WHAMM: variants seen among roughly 807,000 people sequenced by gnomAD.
WHAMM encodes the protein WASP homolog-associated protein with actin, membranes and microtubules.
A neutral mutation model predicts 76.5 loss-of-function variants in WHAMM; 67 were observed. The observed-to-expected ratio is 0.88, with a 90% CI of 0.72 to 1.07. WHAMM has a LOEUF of 1.07. Ranked by LOEUF, WHAMM falls within the 50% of genes least tolerant of loss-of-function variation. The pLI is 0.00. For missense variants in WHAMM, 1,021 were observed against 1,051.1 expected (o/e 0.97, Z 0.40); for synonymous variants, 419 against 422.1 (o/e 0.99, Z 0.09).
chr15:82,810,643 G>C (rs1395504472), intron 1 of WHAMM: 1 of 985,482 alleles, frequency 1.0e-6, no homozygotes, highest in African/African-American at 1.7e-5. Context: ...AACAGGAAAT[G>C]CCAGAAATAT....
chr15:82,831,149 G>A, intron 9 of WHAMM, 70 bp downstream of exon 9: 1 of 1,532,244 alleles, frequency 6.5e-7, no homozygotes, highest in Non-Finnish European at 8.7e-7. Flanking sequence ...AGCTTCAGAA[G>A]CCATCATCTT....
intron 5 of WHAMM, 128 bp from the exon 6 acceptor site, chr15:82,822,972 A>G: frequency 1.4e-6 from 1 of 735,520 alleles, no homozygotes; most frequent in Non-Finnish European, 2.0e-6. Flanking sequence ...CATATTTTTC[A>G]TATATGTTAA....
In WHAMM at chr15:82,833,686, AT is replaced by A. The variant is rs367874690; in HGVS notation, c.*164del. The A allele has an allele frequency of 0.22, 136,660 of 625,360 alleles. 270 individuals are homozygous for A. Among genetic ancestry groups the A allele is most frequent in the Middle Eastern group, 0.27 (572 of 2,100 alleles). The allele number at this position is 625,360 out of a possible 1,614,324, so 38.7% of individuals were successfully genotyped here. ...AGGGCCTTGTGTAGGCTGCTGCAGC[AT>A]TTTTTTTTTTTTTCTTTTTTGAGAT... On this transcript the variant is annotated 3_prime_UTR_variant, in exon 10 of 10. Coordinates refer to ENST00000286760, the MANE Select transcript of WHAMM (RefSeq NM_001080435.3).
intron 1 of WHAMM, among the ~76,000 whole-genome samples, chr15:82,811,072 G>T (rs1443167812): frequency 6.6e-6 from 1 of 152,186 alleles, no homozygotes; most frequent in African/African-American, 2.4e-5. Flanking sequence ...TAACCTGAAT[G>T]ATTTTTTTCT....
intron 3 of WHAMM, 75 bp downstream of exon 3, chr15:82,816,917 T>G (rs2050736704): frequency 7.3e-7 from 1 of 1,376,366 alleles, no homozygotes; most frequent in African/African-American, 1.4e-5. Flanking sequence ...TTTGAGTCCC[T>G]CTTACGCACT....
At chr15:82,827,991 A>G (rs35989256) in intron 8 of WHAMM, among the ~76,000 whole-genome samples, 24,516 of 152,110 alleles carry the variant, frequency 0.16, 2,120 homozygotes, top group South Asian at 0.34. Context: ...ATATCATTGA[A>G]TTTACTGACT....
rs763626038 is a variant in WHAMM, at chr15:82,833,232, C to G, written c.2126C>G (p.Ser709Cys). ...AGCTCTGCTTATTCAATTTCAGGAT[C>G]TATGGATGAAGTGTTGGCCTCCTTA... Reference protein sequence around the residue: ...DSLESFSCPGSMDEVLASLRH... With the variant: ...DSLESFSCPGCMDEVLASLRH... Residue 709 changes from serine to cysteine, a missense_variant, in exon 10 of 10, where the codon TCT becomes TGT. This residue lies in a region of WHAMM where 509 missense variants were observed against 492.3 expected (regional missense o/e 1.03). Transcript: ENST00000286760. 4.3e-6 allele frequency: 7 copies of G among 1,613,118 alleles called. No individual in the cohort carries two copies. Among genetic ancestry groups the G allele is most frequent in the Non-Finnish European group, 5.9e-6 (7 of 1,179,494 alleles).
chr15:82,810,846 CTTTA>C (rs2050616333), intron 1 of WHAMM: 1 of 796,458 alleles, frequency 1.3e-6, no homozygotes, highest in Non-Finnish European at 1.5e-6. Flanking sequence ...AGAAGGTGAA[CTTTA>C]TTCATCAGTT....
chr15:82,830,553 G>A (rs1259156140), intron 8 of WHAMM, 46 bp from the exon 9 acceptor site: 2 of 1,584,680 alleles, frequency 1.3e-6, no homozygotes, highest in African/African-American at 1.4e-5. Context: ...GCATTTTGAT[G>A]GTTTGCACTT....
Position 82,810,246 on chromosome 15 carries a change from G to T in WHAMM, c.520G>T (p.Gly174Cys). The change falls in exon 1 of 10, where the codon GGC becomes TGC. Residue 174 changes from glycine to cysteine, a missense_variant. By Grantham distance (159) the Gly-to-Cys change is radical. Coordinates refer to ENST00000286760, the MANE Select transcript of WHAMM (RefSeq NM_001080435.3). The stretch of plus-strand genomic sequence containing the variant: ...GCGCGACGCACTCTTCCCGGCTGAG[G>T]GCGGCGCGGCCGACTGCGAAAGCCC... The part of the protein sequence containing the change: ...TVRDALFPAE[G>C]GAADCESPRE... 1 of 1,395,668 alleles carries T rather than the reference G, an allele frequency of 7.2e-7. No individual in the cohort carries two copies. The highest frequency in any genetic ancestry group is 1.5e-5 in the South Asian group (1 of 66,694). The allele number at this position is 1,395,668 out of a possible 1,614,324, so 86.5% of individuals were successfully genotyped here. A position where few individuals can be genotyped will look rare whatever the true frequency, so the allele number is the denominator to read the frequency against.
intron 8 of WHAMM, 49 bp from the exon 9 acceptor site, chr15:82,830,550 G>T: frequency 6.3e-7 from 1 of 1,575,404 alleles, no homozygotes; most frequent in Non-Finnish European, 8.6e-7. Context: ...TCAGCATTTT[G>T]ATGGTTTGCA....
At chr15:82,819,804 G>GC (rs1259245132) in intron 5 of WHAMM, among the ~76,000 whole-genome samples, 2 of 152,174 alleles carry the variant, frequency 1.3e-5, no homozygotes, top group Non-Finnish European at 2.9e-5. Flanking sequence ...GACCAGTCTG[G>GC]CCAACATGGT....
intron 8 of WHAMM, among the ~76,000 whole-genome samples, chr15:82,827,445 T>G (rs1327470879): frequency 6.6e-6 from 1 of 152,172 alleles, no homozygotes; most frequent in African/African-American, 2.4e-5. Flanking sequence ...TTATTAGAGA[T>G]AAATTCCTTT....
At position 82,820,050 on chromosome 15, in the gene WHAMM, G is replaced by A. The variant is rs113047832; in HGVS notation, c.1270+562G>A. ...AAGGAAAAAAAAAAAAAGATACTTCGTGGTAACAATTTGCTGTATAACTTT... is the reference window on the plus strand; with the variant it reads ...AAGGAAAAAAAAAAAAAGATACTTCATGGTAACAATTTGCTGTATAACTTT... On this transcript the variant is annotated intron_variant, in intron 5 of 9. Coordinates refer to ENST00000286760, the MANE Select transcript of WHAMM (RefSeq NM_001080435.3). 9.0e-3 allele frequency among the ~76,000 whole-genome samples: 1,369 copies of A among 151,592 alleles called. 24 individuals carry two copies. Among genetic ancestry groups the A allele is most frequent in the African/African-American group, 0.032 (1,314 of 41,386 alleles).
At chr15:82,813,514 C>T (rs1019962111) in intron 2 of WHAMM, among the ~76,000 whole-genome samples, 1 of 151,756 alleles carries the variant, frequency 6.6e-6, no homozygotes, top group African/African-American at 2.4e-5. Flanking sequence ...TTACATGTGC[C>T]TAGTTTACCC....
At position 82,823,219 on chromosome 15, in the gene WHAMM, C is replaced by G; in HGVS notation, c.1390C>G (p.Gln464Glu). 1 of 1,587,796 alleles carries G rather than the reference C, an allele frequency of 6.3e-7. No individual in the cohort carries two copies. The highest frequency in any genetic ancestry group is 8.6e-7 in the Non-Finnish European group (1 of 1,164,354). Residue 464 changes from glutamine (Q) to glutamate (E), a missense_variant, in exon 6 of 10, where the codon CAG becomes GAG. Around this residue, in one of 3 missense-constraint regions of WHAMM, gnomAD observed 509 missense variants for 492.3 expected, o/e 1.03. Transcript: ENST00000286760. ...TTTGGAAGTGAAAGAACTCAGAAGG[C>G]AGTGCCAGCAGCTGGAGTCTAAACG... ...KNLEVKELRR[Q>E]CQQLESKRGR...
Position 82,833,613 on chromosome 15 carries a change from C to G in WHAMM, c.*77C>G, listed in dbSNP as rs2051076374. ...AGTCTTAGACCTATCGAAAAGCATA[C>G]TAACAGGGTGCTGATAGATGGGCCA... On this transcript the variant is annotated 3_prime_UTR_variant, in exon 10 of 10. Transcript: ENST00000286760. 2.7e-6 allele frequency: 4 copies of G among 1,485,146 alleles called. No individual in the cohort carries two copies. In the African/African-American group the frequency reaches 5.5e-5, roughly 21 times the overall value. 92.0% of individuals were successfully genotyped at this position (1,485,146 alleles called of 1,614,324 possible).
At chr15:82,819,575 T>C in intron 5 of WHAMM, 87 bp downstream of exon 5, 4 of 730,920 alleles carry the variant, frequency 5.5e-6, no homozygotes, top group Non-Finnish European at 8.0e-6. Flanking sequence ...TTGTAAATTA[T>C]AACATCTGAA....
intron 5 of WHAMM, among the ~76,000 whole-genome samples, chr15:82,821,756 G>T (rs1596282964): frequency 6.6e-6 from 1 of 152,150 alleles, no homozygotes. Context: ...TTGGAATTTT[G>T]ATTGTGATTT....
Sources: allele counts gnomAD v4.1 joint callset (sites outside exome capture counted in the v4.1 genomes callset), GRCh38; gene constraint gnomAD v4.1.1; regional missense constraint gnomAD v4.1.1; transcripts MANE v1.5; gene names NCBI Gene and HGNC (gene_info 2026-07-23, HGNC 2026-07-21).